Variants in FAN1 observed in about 807,000 individuals in gnomAD.
FAN1 encodes FANCD2 and FANCI associated nuclease 1.
In FAN1, 91 loss-of-function variants were observed where a neutral mutation model predicts 104.9. That is an observed-to-expected ratio of 0.87 (90% CI 0.73 to 1.03). FAN1 has a LOEUF of 1.03. FAN1 is among the 50% of genes least tolerant of loss of function. The pLI, the probability that FAN1 is intolerant of heterozygous loss-of-function variation, is 0.00. For synonymous variants in FAN1, 478 were observed against 457.6 expected (o/e 1.04, Z -0.57); for missense variants, 1,263 against 1,239.9 (o/e 1.02, Z -0.28).
chr15:30,937,609 G>A (rs922194673), intron 14 of FAN1, among the ~76,000 whole-genome samples: 1 of 151,578 alleles, frequency 6.6e-6, no homozygotes, highest in Non-Finnish European at 1.5e-5. Flanking sequence ...GCGCCACCAC[G>A]CCTGGCTAAA....
At position 30,941,668 on chromosome 15, in the gene FAN1, G is replaced by A. The variant is rs376306885; in HGVS notation, c.*106G>A. The A allele has an allele frequency of 3.2e-5, 52 of 1,613,104 alleles. No homozygotes were observed. The highest frequency in any genetic ancestry group is 4.2e-5 in the Non-Finnish European group (49 of 1,179,600). ...TGGCGTTGAAGTACATCCTGCTCTG[G>A]CCCAGCTCCCCATAGCAGGCCTCCA... On this transcript the variant is annotated 3_prime_UTR_variant, in exon 15 of 15. Coordinates refer to ENST00000362065, the MANE Select transcript of FAN1 (RefSeq NM_014967.5).
At chr15:30,912,027 A>G (rs1034209430) in intron 4 of FAN1, among the ~76,000 whole-genome samples, 2 of 150,654 alleles carry the variant, frequency 1.3e-5, no homozygotes, top group Non-Finnish European at 2.9e-5. Context: ...GCGCCACTGC[A>G]CACCAGCCTG....
intron 12 of FAN1, among the ~76,000 whole-genome samples, chr15:30,929,980 ATATAT>A: frequency 7.8e-6 from 1 of 128,650 alleles, no homozygotes; most frequent in South Asian, 2.2e-4. Flanking sequence ...AAAATATATA[ATATAT>A]AAGATATCAT....
rs1265807402 is a variant in FAN1, at chr15:30,929,880, AAT to A, written c.2787+490_2787+491del. On this transcript the variant is annotated intron_variant, in intron 12 of 14. Transcript: ENST00000362065. ...CATATATAATATATATAAAATATAT[AAT>A]ATATATCATATATAATATATAAAAT... Among the ~76,000 whole-genome samples, 83 of 81,214 alleles carry A rather than the reference AAT, an allele frequency of 1.0e-3. 2 individuals carry two copies. The highest frequency in any genetic ancestry group is 7.1e-3 in the South Asian group (22 of 3,118). The allele number at this position is 81,214 out of a possible 152,430, so 53.3% of individuals were successfully genotyped here.
At chr15:30,918,404 A>T in intron 6 of FAN1, 109 bp downstream of exon 6, 5 of 1,141,946 alleles carry the variant, frequency 4.4e-6, no homozygotes, top group Non-Finnish European at 6.4e-6. Flanking sequence ...TCTGTGGTTA[A>T]ACCAGCTGTG....
chr15:30,910,567 T>C, intron 3 of FAN1, 47 bp from the exon 4 acceptor site: 1 of 1,256,706 alleles, frequency 8.0e-7, no homozygotes, highest in Non-Finnish European at 1.1e-6. Context: ...TAAATAAAGC[T>C]AGAAAATAGT....
rs377409062 is a variant in FAN1, at chr15:30,915,352, G to A, written c.1811+1261G>A. ...TTAACAGATACAAAAGTGCAGCTAG[G>A]TAGAAGGAATAAGTTCTGTTGTTCT... On this transcript the variant is annotated intron_variant, in intron 5 of 14. Coordinates refer to ENST00000362065, the MANE Select transcript of FAN1 (RefSeq NM_014967.5). Among the ~76,000 whole-genome samples, 93 of 152,306 alleles carry A rather than the reference G, an allele frequency of 6.1e-4. 2 individuals are homozygous for A. The South Asian group carries it at 0.018, about 30-fold the overall frequency.
intron 13 of FAN1, among the ~76,000 whole-genome samples, chr15:30,933,963 T>G (rs1352021513): frequency 6.6e-6 from 1 of 152,180 alleles, no homozygotes; most frequent in Non-Finnish European, 1.5e-5. Flanking sequence ...GGTTCCACCA[T>G]GTTGCCCAGG....
chr15:30,921,946 G>GCACT (rs1263681992), intron 7 of FAN1, among the ~76,000 whole-genome samples: 1 of 152,154 alleles, frequency 6.6e-6, no homozygotes, highest in Admixed American at 6.5e-5. Flanking sequence ...GTGCGACTCT[G>GCACT]CACTGGTTGA....
At chr15:30,921,235 C>T (rs8042198) in intron 7 of FAN1, among the ~76,000 whole-genome samples, 3,611 of 152,070 alleles carry the variant, frequency 0.024, 140 homozygotes, top group African/African-American at 0.083. Flanking sequence ...CTGGGGGTGG[C>T]GGCCACCATC....
At chr15:30,921,215 C>A (rs932017087) in intron 7 of FAN1, among the ~76,000 whole-genome samples, 5 of 152,054 alleles carry the variant, frequency 3.3e-5, no homozygotes, top group African/African-American at 4.8e-5. Flanking sequence ...AATCTGTGTC[C>A]CAGGATGGCC....
chr15:30,924,695 T>G (rs1422409258), intron 8 of FAN1, among the ~76,000 whole-genome samples: 1 of 152,182 alleles, frequency 6.6e-6, no homozygotes, highest in Non-Finnish European at 1.5e-5. Context: ...GACCTGGCGC[T>G]TTGATGTGGC....
chr15:30,908,428 A>G (rs1280468562), intron 3 of FAN1, among the ~76,000 whole-genome samples, 170 bp downstream of exon 3: 2 of 152,228 alleles, frequency 1.3e-5, no homozygotes, highest in African/African-American at 2.4e-5. Context: ...TGTGATGCTA[A>G]AGCCATTCTT....
chr15:30,938,767 T>A (rs1230013952), intron 14 of FAN1, among the ~76,000 whole-genome samples: 2 of 152,170 alleles, frequency 1.3e-5, no homozygotes, highest in Non-Finnish European at 2.9e-5. Context: ...CCACATGGCT[T>A]TAACTTTAGC....
chr15:30,905,603 A>T lies in FAN1; in HGVS notation c.940A>T (p.Ile314Leu). The T allele has an allele frequency of 6.2e-7, 1 of 1,614,102 alleles. No homozygotes were observed. Among genetic ancestry groups the T allele is most frequent in the East Asian group, 2.2e-5 (1 of 44,886 alleles). The change falls in exon 2 of 15, where the codon ATA (isoleucine) becomes TTA (leucine). Residue 314 changes from isoleucine to leucine, a missense_variant. By Grantham distance (5) the Ile-to-Leu change is conservative (BLOSUM62 2). Transcript: ENST00000362065. ...AATGACTGTTGCTTCAGAAGCTAAAATACAGCTGTCAGATTCAGAGGCAAA... is the reference window on the plus strand; with the variant it reads ...AATGACTGTTGCTTCAGAAGCTAAATTACAGCTGTCAGATTCAGAGGCAAA... ...VKMTVASEAK[I>L]QLSDSEAKSH...
At chr15:30,914,712 ATGT>A (rs1226353198) in intron 5 of FAN1, among the ~76,000 whole-genome samples, 1 of 152,174 alleles carries the variant, frequency 6.6e-6, no homozygotes, top group African/African-American at 2.4e-5. Context: ...ACTTAGGAAT[ATGT>A]TGTTGGCATG....
At position 30,941,995 on chromosome 15, in the gene FAN1, T is replaced by G; in HGVS notation, c.*433T>G. 1 of 1,614,028 alleles carries G rather than the reference T, an allele frequency of 6.2e-7. No individual in the cohort carries two copies. Among genetic ancestry groups the G allele is most frequent in the South Asian group, 1.1e-5 (1 of 91,086 alleles). ...GTTTTAATATCAATGAATTTCTCCT[T>G]GGAAGTAATTCTTGGTCACTGATGA... On this transcript the variant is annotated 3_prime_UTR_variant, in exon 15 of 15. Coordinates refer to ENST00000362065, the MANE Select transcript of FAN1 (RefSeq NM_014967.5).
chr15:30,938,808 T>G, intron 14 of FAN1: 1 of 653,092 alleles, frequency 1.5e-6, no homozygotes, highest in Non-Finnish European at 1.9e-6. Context: ...AAAAAGTTAC[T>G]GATCACTACC....
At chr15:30,938,174 ACT>A (rs1239234811) in intron 14 of FAN1, among the ~76,000 whole-genome samples, 1 of 150,676 alleles carries the variant, frequency 6.6e-6, no homozygotes, top group East Asian at 2.0e-4. Flanking sequence ...ACAGAGCGAG[ACT>A]CTGTCTCAAA....
Sources: allele counts gnomAD v4.1 joint callset (sites outside exome capture counted in the v4.1 genomes callset), GRCh38; gene constraint gnomAD v4.1.1; transcripts MANE v1.5; gene names NCBI Gene and HGNC (gene_info 2026-07-23, HGNC 2026-07-21).